Variants in EP400 observed in about 807,000 individuals in gnomAD.
EP400 encodes the protein E1A binding protein p400, also known as E1A-binding protein p400.
EP400 carries 105 observed loss-of-function variants against 354.1 expected under a neutral mutation model. That is an observed-to-expected ratio of 0.30 (90% CI 0.25 to 0.35). The LOEUF is 0.35. Among genes scored for constraint, EP400 ranks in the 10% least tolerant of loss-of-function variants. EP400 has a pLI of 1.00. For synonymous variants in EP400, 1,646 were observed against 1,716.9 expected, an observed-to-expected ratio of 0.96 and a Z score of 1.02; for missense variants, 3,280 against 4,121.0, an observed-to-expected ratio of 0.80 and a Z score of 5.59.
Position 132,062,093 on chromosome 12 carries a change from CTGTT to C in EP400, c.7885-14_7885-11del. 1.9e-6 allele frequency: 3 copies of C among 1,607,342 alleles called. No homozygotes were observed. The highest frequency in any genetic ancestry group is 2.5e-6 in the Non-Finnish European group (3 of 1,178,272). On this transcript the variant is annotated splice_polypyrimidine_tract_variant and intron_variant, in intron 45 of 52. Coordinates refer to ENST00000389561, the MANE Select transcript of EP400 (RefSeq NM_015409.5). Reference sequence around the variant, plus strand: ...TGTGTGAAATATTTGATGAGGTCCTCTGTTTGCCTTTTCTAGACGCCGGGAGGCT... The same window carrying C: ...TGTGTGAAATATTTGATGAGGTCCTCTGCCTTTTCTAGACGCCGGGAGGCT...
chr12:132,037,973 T>C lies in EP400; in HGVS notation c.6084T>C (p.Phe2028=). The C allele has an allele frequency of 6.2e-7, 1 of 1,614,222 alleles. No homozygotes were observed. The highest frequency in any genetic ancestry group is 1.1e-5 in the South Asian group (1 of 91,086). The change falls in exon 32 of 53, where the codon TTT becomes TTC. Residue 2028 remains phenylalanine, a synonymous_variant. Coordinates refer to ENST00000389561, the MANE Select transcript of EP400 (RefSeq NM_015409.5). The part of the protein sequence containing the change: ...FLTQRTIQEL[F]EVYSPMDDAG... Reference sequence around the variant, plus strand: ...TTCAGCGAACCATCCAGGAGCTGTTTGAAGTTTATTCTCCCATGGATGATG... The same window carrying C: ...TTCAGCGAACCATCCAGGAGCTGTTCGAAGTTTATTCTCCCATGGATGATG...
In EP400 at chr12:132,018,348, C is replaced by A. The variant is rs151070445; in HGVS notation, c.4249C>A (p.Pro1417Thr). 6 of 1,608,948 alleles carry A rather than the reference C, an allele frequency of 3.7e-6. No homozygotes were observed. The African/African-American group carries it at 5.4e-5, about 14-fold the overall frequency. ...CACTTCAGCAGCCCCAGCAGCCCGA[C>A]CAGCAGCAGCAAAGCTGAAGGCCAG... is the stretch of plus-strand genomic sequence containing the variant. Reference protein sequence around the residue: ...ISTSAAPAARPAAAKLKASRL... With the variant: ...ISTSAAPAARTAAAKLKASRL... The change falls in exon 21 of 53, where the codon CCA becomes ACA. Residue 1417 changes from proline (P) to threonine (T), a missense_variant. Transcript: ENST00000389561. This position sits in a 1 kb window ranked among gnomAD's most constrained non-coding sequence, Gnocchi z 4.0.
intron 7 of EP400, 131 bp downstream of exon 7, chr12:131,988,021 G>T (rs888764761): frequency 5.0e-6 from 4 of 804,274 alleles, no homozygotes; most frequent in Non-Finnish European, 7.0e-6. Context: ...CCCAGACAGG[G>T]TCTTGCTCTG....
intron 51 of EP400, 148 bp downstream of exon 51, chr12:132,069,789 T>G: frequency 5.6e-6 from 7 of 1,252,444 alleles, no homozygotes; most frequent in Non-Finnish European, 7.6e-6. Context: ...GGCCTCAGGT[T>G]TCAACCCCTC....
At chr12:132,051,499 C>T (rs891611369) in intron 41 of EP400, among the ~76,000 whole-genome samples, 7 of 152,166 alleles carry the variant, frequency 4.6e-5, no homozygotes, top group African/African-American at 1.7e-4. Flanking sequence ...GGTAAGGCCA[C>T]GTGGATCACA....
At chr12:132,042,240 C>T (rs921224343) in intron 32 of EP400, among the ~76,000 whole-genome samples, 8 of 152,166 alleles carry the variant, frequency 5.3e-5, no homozygotes, top group African/African-American at 1.2e-4. Context: ...CATGAGCCAC[C>T]GTGCCCGGCC....
chr12:132,062,820 C>T (rs1895752972), intron 47 of EP400, 119 bp downstream of exon 47: 1 of 1,278,692 alleles, frequency 7.8e-7, no homozygotes, highest in Admixed American at 2.3e-5. Context: ...ACGTCTAGCA[C>T]TGCCTTTATG....
chr12:131,978,999 G>A (rs948588086), intron 2 of EP400, among the ~76,000 whole-genome samples: 3 of 152,068 alleles, frequency 2.0e-5, no homozygotes, highest in African/African-American at 7.2e-5. Flanking sequence ...GGCGGATCAT[G>A]AGGTCAGGAG....
intron 52 of EP400, 32 bp from the exon 53 acceptor site, chr12:132,077,369 G>T: frequency 6.3e-7 from 1 of 1,593,098 alleles, no homozygotes. Flanking sequence ...AGTTTCCTGG[G>T]CAATGTGTGT....
At chr12:131,958,024 A>G (rs575490961) in intron 1 of EP400, among the ~76,000 whole-genome samples, 31 of 152,328 alleles carry the variant, frequency 2.0e-4, no homozygotes, top group Non-Finnish European at 2.8e-4. Context: ...CTGAATTACT[A>G]TATGTGAGAG....
chr12:132,067,122 T>A lies in EP400; in HGVS notation c.8749+153T>A. ...TTCTAGCACAAACGTGCCTTGGCGC[T>A]TTCCAGGCGCAAGGCTGGGTCCTCA... On this transcript the variant is annotated intron_variant, in intron 49 of 52. Coordinates refer to ENST00000389561, the MANE Select transcript of EP400 (RefSeq NM_015409.5). This position sits in a 1 kb window ranked among gnomAD's most constrained non-coding sequence, Gnocchi z 5.3. 1.7e-6 allele frequency: 2 copies of A among 1,173,326 alleles called. No homozygotes were observed. Among genetic ancestry groups the A allele is most frequent in the Non-Finnish European group, 2.3e-6 (2 of 863,476 alleles). 72.7% of individuals were successfully genotyped at this position (1,173,326 alleles called of 1,614,324 possible). A position where few individuals can be genotyped will look rare whatever the true frequency, so the allele number is the denominator to read the frequency against.
Position 131,979,741 on chromosome 12 carries a change from A to C in EP400, c.1383A>C (p.Val461=), listed in dbSNP as rs1234401023. The C allele has an allele frequency of 1.2e-6, 2 of 1,610,868 alleles. No homozygotes were observed. Among genetic ancestry groups the C allele is most frequent in the Non-Finnish European group, 1.7e-6 (2 of 1,178,554 alleles). ...TGGTAGCAGGGGCCGGAAGCACAGT[A>C]GAGACGGACCTGTTTAAGAGGCAGC... The part of the protein sequence containing the change: ...GSLVAGAGST[V]ETDLFKRQQA... Residue 461 remains valine, a synonymous_variant, in exon 3 of 53, where the codon GTA becomes GTC. Transcript: ENST00000389561.
intron 3 of EP400, among the ~76,000 whole-genome samples, chr12:131,980,121 ATAAACT>A (rs1892629742): frequency 6.6e-6 from 1 of 152,188 alleles, no homozygotes; most frequent in Non-Finnish European, 1.5e-5. Flanking sequence ...TTTTCAAATG[ATAAACT>A]TAATACATTT....
At position 132,044,699 on chromosome 12, in the gene EP400, A is replaced by C; in HGVS notation, c.6614A>C (p.Gln2205Pro). 1 of 1,614,228 alleles carries C rather than the reference A, an allele frequency of 6.2e-7. No homozygotes were observed. Among genetic ancestry groups the C allele is most frequent in the South Asian group, 1.1e-5 (1 of 91,086 alleles). ...TATGTCTACGAAGATGTCGATGGGC[A>C]GACAGAAGTCATGCCGGTGAGTGCT... ...MEYVYEDVDG[Q>P]TEVMPLWTPP... The change falls in exon 36 of 53, where the codon CAG (glutamine) becomes CCG (proline). Residue 2205 changes from glutamine to proline, a missense_variant. This residue lies in a region of EP400 where 231 missense variants were observed against 257.9 expected (regional missense o/e 0.90). Coordinates refer to ENST00000389561, the MANE Select transcript of EP400 (RefSeq NM_015409.5).
intron 32 of EP400, among the ~76,000 whole-genome samples, chr12:132,039,558 G>A (rs1317142825): frequency 1.3e-5 from 2 of 152,182 alleles, no homozygotes; most frequent in Non-Finnish European, 2.9e-5. Flanking sequence ...TGAAAAGCCA[G>A]TCTCCTGCCC....
Position 132,017,818 on chromosome 12 carries a change from C to T in EP400, c.4110+97C>T. 4 of 1,320,318 alleles carry T rather than the reference C, an allele frequency of 3.0e-6. No individual in the cohort carries two copies. The highest frequency in any genetic ancestry group is 4.1e-6 in the Non-Finnish European group (4 of 987,578). 81.8% of individuals were successfully genotyped at this position (1,320,318 alleles called of 1,614,324 possible). A position where few individuals can be genotyped will look rare whatever the true frequency, so the allele number is the denominator to read the frequency against. On this transcript the variant is annotated intron_variant, in intron 20 of 52. Transcript: ENST00000389561. The surrounding 1 kb of genome is among the most constrained non-coding windows in gnomAD (Gnocchi z 5.0). Reference sequence around the variant, plus strand: ...CTTGGAAATGGGTTCTCAACCAGCTCTTCTGCAATTGCAATTGCAGCTCCG... The same window carrying T: ...CTTGGAAATGGGTTCTCAACCAGCTTTTCTGCAATTGCAATTGCAGCTCCG...
rs140912836 is a variant in EP400, at chr12:132,070,692, T to G, written c.9021+1051T>G. Among the ~76,000 whole-genome samples the G allele has an allele frequency of 2.8e-3, 425 of 152,382 alleles. No individual in the cohort carries two copies. Among genetic ancestry groups the G allele is most frequent in the African/African-American group, 9.9e-3 (412 of 41,602 alleles). On this transcript the variant is annotated intron_variant, in intron 51 of 52. Transcript: ENST00000389561. This position sits in a 1 kb window ranked among gnomAD's most constrained non-coding sequence, Gnocchi z 4.1. Reference sequence around the variant, plus strand: ...CATCTTTACAGTCTTTCCTTCAGATTCACCAATATGATGCATCTTTTGTTA... The same window carrying G: ...CATCTTTACAGTCTTTCCTTCAGATGCACCAATATGATGCATCTTTTGTTA...
chr12:132,062,387 G>A, intron 46 of EP400, 64 bp downstream of exon 46: 1 of 1,610,276 alleles, frequency 6.2e-7, no homozygotes, highest in South Asian at 1.1e-5. Flanking sequence ...GGGCTCAGCT[G>A]CTGCTTGCTG....
chr12:132,013,468 T>G lies in EP400; in HGVS notation c.3612-22T>G. 1 of 1,534,908 alleles carries G rather than the reference T, an allele frequency of 6.5e-7. No homozygotes were observed. The highest frequency in any genetic ancestry group is 8.8e-7 in the Non-Finnish European group (1 of 1,140,616). On this transcript the variant is annotated intron_variant, in intron 17 of 52. Transcript: ENST00000389561. This position sits in a 1 kb window ranked among gnomAD's most constrained non-coding sequence, Gnocchi z 4.5. ...GCCCCGTGGCTGTAGAACTCCAGTG[T>G]TGTCTCTTGTCCTGTTTGCAGCCAA...
Sources: gnomAD v4.1 joint callset for allele counts (sites outside exome capture counted in the v4.1 genomes callset) on GRCh38, gnomAD v4.1.1 for gene constraint, gnomAD v4.1.1 regional missense constraint, Gnocchi (gnomAD v3.1) non-coding constraint, MANE v1.5 for transcripts, NCBI Gene and HGNC (gene_info 2026-07-23, HGNC 2026-07-21) for gene names.